Variants in GLIS2 observed in about 807,000 individuals in gnomAD.
The protein encoded by GLIS2 is zinc finger protein GLIS2.
In GLIS2, 14 loss-of-function variants were observed where a neutral mutation model predicts 35.6. The observed-to-expected ratio is 0.39, with a 90% confidence interval of 0.26 to 0.61. The LOEUF is 0.61. GLIS2 is among the 20% of genes least tolerant of loss of function. GLIS2 has a pLI of 0.48. For synonymous variants in GLIS2, 368 were observed against 325.1 expected (o/e 1.13, Z -1.42); for missense variants, 675 against 713.4 (o/e 0.95, Z 0.61).
chr16:4,332,467 C>A lies in GLIS2; in HGVS notation c.172+15C>A. On this transcript the variant is annotated intron_variant, in intron 2 of 6. Transcript: ENST00000433375. The surrounding 1 kb of genome is among the most constrained non-coding windows in gnomAD (Gnocchi z 5.4). ...CCCGCCCTCAGGTACTGGCCCTGGGCAGGGCAGGGGGACTTAGCCCTGATC... is the reference window on the plus strand; with the variant it reads ...CCCGCCCTCAGGTACTGGCCCTGGGAAGGGCAGGGGGACTTAGCCCTGATC... 6.2e-7 allele frequency: 1 copy of A among 1,609,134 alleles called. No homozygotes were observed. Among genetic ancestry groups the A allele is most frequent in the Non-Finnish European group, 8.5e-7 (1 of 1,179,580 alleles).
At chr16:4,319,425 C>T (rs2053351242) in intron 1 of GLIS2, among the ~76,000 whole-genome samples, 1 of 152,190 alleles carries the variant, frequency 6.6e-6, no homozygotes, top group African/African-American at 2.4e-5. Context: ...CCTAAGTTGC[C>T]TCCCTTCCCA....
At chr16:4,322,198 G>A (rs1159233945) in intron 1 of GLIS2, among the ~76,000 whole-genome samples, 1 of 152,138 alleles carries the variant, frequency 6.6e-6, no homozygotes, top group Non-Finnish European at 1.5e-5. Flanking sequence ...TGGGGCAGGA[G>A]GCTCTGGGCT....
At chr16:4,330,259 TGA>T (rs375061201) in intron 1 of GLIS2, among the ~76,000 whole-genome samples, 15 of 152,236 alleles carry the variant, frequency 9.9e-5, no homozygotes, top group African/African-American at 3.4e-4. Context: ...CCTGGGTGAC[TGA>T]GAGACTCCAT....
intron 1 of GLIS2, among the ~76,000 whole-genome samples, chr16:4,318,557 C>G (rs1008348330): frequency 2.6e-5 from 4 of 152,178 alleles, no homozygotes; most frequent in African/African-American, 7.2e-5. Context: ...TTTCTTCCCC[C>G]GCCTGAACTC....
intron 1 of GLIS2, among the ~76,000 whole-genome samples, chr16:4,327,953 G>C (rs2053454918): frequency 6.6e-6 from 1 of 151,744 alleles, no homozygotes; most frequent in Non-Finnish European, 1.5e-5. Flanking sequence ...TGCCCTGGGC[G>C]CATCCCAGGC....
Position 4,334,559 on chromosome 16 carries a change from AAAT to A in GLIS2, c.346-239_346-237del, listed in dbSNP as rs201393993. Among the ~76,000 whole-genome samples, 1,467 of 151,844 alleles carry A rather than the reference AAAT, an allele frequency of 9.7e-3. 10 individuals are homozygous for A. Among genetic ancestry groups the A allele is most frequent in the Middle Eastern group, 0.02 (6 of 294 alleles). ...GGCTATATATTTTTTTTAATTAAGA[AAAT>A]AAAAATTTAAAACACACCAGTCACT... On this transcript the variant is annotated intron_variant, in intron 3 of 6. Coordinates refer to ENST00000433375, the MANE Select transcript of GLIS2 (RefSeq NM_032575.3).
At chr16:4,327,093 C>G (rs922159337) in intron 1 of GLIS2, among the ~76,000 whole-genome samples, 17 of 152,004 alleles carry the variant, frequency 1.1e-4, no homozygotes, top group African/African-American at 4.1e-4. Flanking sequence ...GGGATTTTTC[C>G]ATGTTGCCCA....
chr16:4,333,645 A>C (rs943318816), intron 3 of GLIS2, 126 bp downstream of exon 3: 49 of 1,128,224 alleles, frequency 4.3e-5, no homozygotes, highest in Non-Finnish European at 5.8e-5. Context: ...TGGAGGCTGG[A>C]GTCTACCTGG....
At position 4,320,516 on chromosome 16, in the gene GLIS2, C is replaced by T; in HGVS notation, c.-67+4262C>T. Among the ~76,000 whole-genome samples, 1 of 152,080 alleles carries T rather than the reference C, an allele frequency of 6.6e-6. No individual in the cohort carries two copies. Among genetic ancestry groups the T allele is most frequent in the Non-Finnish European group, 1.5e-5 (1 of 68,004 alleles). On this transcript the variant is annotated intron_variant, in intron 1 of 6. Coordinates refer to ENST00000433375, the MANE Select transcript of GLIS2 (RefSeq NM_032575.3). The surrounding 1 kb of genome is among the most constrained non-coding windows in gnomAD (Gnocchi z 5.6). ...GAACTGGAGTCTGGGGCTGTCTGGC[C>T]CTGACCCCTGAAATGTCGGTTTAGC...
intron 3 of GLIS2, among the ~76,000 whole-genome samples, chr16:4,334,045 C>T (rs576793786): frequency 2.6e-5 from 4 of 152,106 alleles, no homozygotes; most frequent in African/African-American, 4.8e-5. Context: ...CGGGTTCAAG[C>T]GATTCTCCTG....
At chr16:4,324,619 C>T (rs2053411241) in intron 1 of GLIS2, 1 of 152,328 alleles carries the variant, frequency 6.6e-6, no homozygotes, top group Admixed American at 6.5e-5. Flanking sequence ...GGTAGATGGG[C>T]CAAAGGCTAT....
intron 1 of GLIS2, among the ~76,000 whole-genome samples, chr16:4,325,811 C>T (rs1156322451): frequency 1.3e-5 from 2 of 151,674 alleles, no homozygotes; most frequent in South Asian, 4.2e-4. Context: ...TGGTGGTGCA[C>T]CTGTGGTCCT....
chr16:4,333,050 C>T (rs2053514227), intron 2 of GLIS2, among the ~76,000 whole-genome samples: 1 of 152,134 alleles, frequency 6.6e-6, no homozygotes, highest in Non-Finnish European at 1.5e-5. Context: ...ACCCAGGGGC[C>T]CTGGGTTCGA....
chr16:4,334,785 T>G lies in GLIS2; in HGVS notation c.346-16T>G. The G allele has an allele frequency of 6.2e-7, 1 of 1,612,964 alleles. No homozygotes were observed. The highest frequency in any genetic ancestry group is 1.1e-5 in the South Asian group (1 of 91,072). The stretch of plus-strand genomic sequence containing the variant: ...GGGCCAGCAGGACCTTGACTAGCCC[T>G]CCCCTCGCACCCCAGGACTTCCAGC... On this transcript the variant is annotated splice_polypyrimidine_tract_variant and intron_variant, in intron 3 of 6. Coordinates refer to ENST00000433375, the MANE Select transcript of GLIS2 (RefSeq NM_032575.3).
intron 1 of GLIS2, chr16:4,328,266 T>A (rs751323042): frequency 3.9e-5 from 6 of 152,304 alleles, no homozygotes; most frequent in Non-Finnish European, 7.3e-5. Context: ...TCACTCAGGG[T>A]TCCCTGGTTG....
Position 4,337,385 on chromosome 16 carries a change from G to A in GLIS2, c.1436G>A (p.Gly479Glu), listed in dbSNP as rs1275247785. 6.3e-7 allele frequency: 1 copy of A among 1,593,454 alleles called. No homozygotes were observed. Among genetic ancestry groups the A allele is most frequent in the Admixed American group, 1.7e-5 (1 of 58,378 alleles). ...AGCTGCTCCCGGCCAAGCCCCGATG[G>A]ACTCCCCCTGCTGCCAGGCACCGTG... ...ESSCSRPSPD[G>E]LPLLPGTVLD... The change falls in exon 7 of 7, where the codon GGA (glycine) becomes GAA (glutamate). Residue 479 changes from glycine (G) to glutamate (E), a missense_variant. Around this residue, in one of 3 missense-constraint regions of GLIS2, gnomAD observed 317 missense variants for 283.2 expected, o/e 1.12. Coordinates refer to ENST00000433375, the MANE Select transcript of GLIS2 (RefSeq NM_032575.3).
intron 1 of GLIS2, chr16:4,331,578 C>G (rs2053496636): frequency 6.5e-6 from 1 of 153,946 alleles, no homozygotes; most frequent in Non-Finnish European, 1.4e-5. Flanking sequence ...AGTCTCCCGA[C>G]CGAGCTGGTC....
In GLIS2 at chr16:4,320,135, G is replaced by C. The variant is rs1306724600; in HGVS notation, c.-67+3881G>C. Among the ~76,000 whole-genome samples, 2 of 152,280 alleles carry C rather than the reference G, an allele frequency of 1.3e-5. No individual in the cohort carries two copies. Among genetic ancestry groups the C allele is most frequent in the African/African-American group, 4.8e-5 (2 of 41,558 alleles). Reference sequence around the variant, plus strand: ...GCCCACCGCAGGGAGGGGCCGGCCTGTGAGTGTCACATGTGCGTGCACACG... The same window carrying C: ...GCCCACCGCAGGGAGGGGCCGGCCTCTGAGTGTCACATGTGCGTGCACACG... On this transcript the variant is annotated intron_variant, in intron 1 of 6. Coordinates refer to ENST00000433375, the MANE Select transcript of GLIS2 (RefSeq NM_032575.3). This position sits in a 1 kb window ranked among gnomAD's most constrained non-coding sequence, Gnocchi z 5.6.
chr16:4,336,919 G>C lies in GLIS2; in HGVS notation c.970G>C (p.Glu324Gln). The C allele has an allele frequency of 1.2e-6, 2 of 1,612,770 alleles. No homozygotes were observed. The highest frequency in any genetic ancestry group is 2.2e-5 in the South Asian group (2 of 91,062). The stretch of plus-strand genomic sequence containing the variant: ...GGCCCATGGCCACTTTGTGTCCCAC[G>C]AGCAGCAAGAGCTCCTGCAGCTGCG... The part of the protein sequence containing the change: ...IKAHGHFVSH[E>Q]QQELLQLRPP... The change falls in exon 7 of 7, where the codon GAG becomes CAG. Residue 324 changes from glutamate to glutamine, a missense_variant. Physicochemically the swap from Glu to Gln is conservative, Grantham distance 29. Around this residue, in one of 3 missense-constraint regions of GLIS2, gnomAD observed 317 missense variants for 283.2 expected, o/e 1.12. Coordinates refer to ENST00000433375, the MANE Select transcript of GLIS2 (RefSeq NM_032575.3).
Sources: allele counts gnomAD v4.1 joint callset (sites outside exome capture counted in the v4.1 genomes callset), GRCh38; gene constraint gnomAD v4.1.1; regional missense constraint gnomAD v4.1.1; non-coding constraint Gnocchi (gnomAD v3.1); transcripts MANE v1.5; gene names NCBI Gene and HGNC (gene_info 2026-07-23, HGNC 2026-07-21).